C1GALT1: variants seen among roughly 807,000 people sequenced by gnomAD.
C1GALT1 encodes glycoprotein-N-acetylgalactosamine 3-beta-galactosyltransferase 1.
Under a neutral mutation model 31.0 loss-of-function variants are expected in C1GALT1, and 11 were observed. The observed-to-expected ratio is 0.36, with a 90% CI of 0.22 to 0.59. The LOEUF (loss-of-function observed/expected upper bound fraction) is 0.59. Among genes scored for constraint, C1GALT1 ranks in the 20% least tolerant of loss-of-function variants. The pLI, the probability that C1GALT1 is intolerant of heterozygous loss-of-function variation, is 0.79. For missense variants in C1GALT1, 424 were observed against 425.2 expected, an observed-to-expected ratio of 1.00 and a Z score of 0.03; for synonymous variants, 175 against 143.6, an observed-to-expected ratio of 1.22 and a Z score of -1.56.
intron 1 of C1GALT1, among the ~76,000 whole-genome samples, chr7:7,199,797 G>GC (rs1414567194): frequency 6.6e-6 from 1 of 152,078 alleles, no homozygotes; most frequent in Non-Finnish European, 1.5e-5. Flanking sequence ...TTATGTAATG[G>GC]CCTTCTTTGT....
At chr7:7,225,337 C>T (rs1486461546) in intron 1 of C1GALT1, among the ~76,000 whole-genome samples, 1 of 152,142 alleles carries the variant, frequency 6.6e-6, no homozygotes, top group Non-Finnish European at 1.5e-5. Flanking sequence ...CAAAACTAAA[C>T]TCCAGGAAAG....
chr7:7,160,924 A>G (rs1432258316), intron 2 of C1GALT1, among the ~76,000 whole-genome samples: 1 of 152,126 alleles, frequency 6.6e-6, no homozygotes, highest in Admixed American at 6.6e-5. Flanking sequence ...CAGCAGAAGT[A>G]ATGAGTATTG....
intron 1 of C1GALT1, among the ~76,000 whole-genome samples, chr7:7,214,007 G>GGC (rs1470270681): frequency 6.6e-6 from 1 of 152,200 alleles, no homozygotes; most frequent in Non-Finnish European, 1.5e-5. Context: ...CCAGTGGGGG[G>GGC]TAGGGATGTT....
Position 7,238,062 on chromosome 7 carries a change from A to G in C1GALT1, c.221-193A>G, listed in dbSNP as rs149225513. Among the ~76,000 whole-genome samples the G allele has an allele frequency of 2.7e-3, 413 of 152,358 alleles. 2 individuals carry two copies. Among genetic ancestry groups the G allele is most frequent in the African/African-American group, 9.1e-3 (380 of 41,592 alleles). On this transcript the variant is annotated intron_variant, in intron 2 of 3. Transcript: ENST00000436587. This position sits in a 1 kb window ranked among gnomAD's most constrained non-coding sequence, Gnocchi z 5.2. Reference sequence around the variant, plus strand: ...CTTACTAGCTCCAGTGATGTCCTAGATAACACTGACATGAAACCAATAAAT... The same window carrying G: ...CTTACTAGCTCCAGTGATGTCCTAGGTAACACTGACATGAAACCAATAAAT...
rs1562601794 is a variant in C1GALT1, at chr7:7,243,549, C to T, written c.914C>T (p.Ala305Val). The T allele has an allele frequency of 6.2e-7, 1 of 1,606,884 alleles. No individual in the cohort carries two copies. The highest frequency in any genetic ancestry group is 2.2e-5 in the East Asian group (1 of 44,738). The change falls in exon 4 of 4, where the codon GCA becomes GTA. Residue 305 changes from alanine to valine, a missense_variant. Around this residue, in one of 3 missense-constraint regions of C1GALT1, gnomAD observed 191 missense variants for 188.8 expected, o/e 1.01. Coordinates refer to ENST00000436587, the MANE Select transcript of C1GALT1 (RefSeq NM_020156.5). ...VEGPGCCSDLAVSFHYVDSTT... is the reference protein window; with the variant it reads ...VEGPGCCSDLVVSFHYVDSTT... ...GGTCCTGGTTGCTGCTCTGATCTTG[C>T]AGTTTCTTTTCACTATGTTGATTCT...
intron 2 of C1GALT1, among the ~76,000 whole-genome samples, chr7:7,171,936 A>T (rs552987424): frequency 1.3e-5 from 2 of 152,230 alleles, no homozygotes; most frequent in South Asian, 2.1e-4. Flanking sequence ...CCCCAACAGG[A>T]GATTTATTAT....
intron 1 of C1GALT1, among the ~76,000 whole-genome samples, chr7:7,184,649 C>A (rs1780734342): frequency 6.6e-6 from 1 of 152,148 alleles, no homozygotes; most frequent in Admixed American, 6.5e-5. Flanking sequence ...AATTTAGAGT[C>A]TTTGTGTGGT....
At chr7:7,201,984 A>T (rs1228481607) in intron 1 of C1GALT1, among the ~76,000 whole-genome samples, 1 of 152,196 alleles carries the variant, frequency 6.6e-6, no homozygotes, top group East Asian at 1.9e-4. Context: ...CAAAGTCAGG[A>T]ATGGCTTCCC....
chr7:7,241,186 CATT>C (rs1165564158), intron 3 of C1GALT1, among the ~76,000 whole-genome samples: 4 of 151,956 alleles, frequency 2.6e-5, no homozygotes, highest in African/African-American at 9.7e-5. Context: ...GTTTTATTTA[CATT>C]ATTCTATCTG....
rs1783789015 is a variant in C1GALT1, at chr7:7,245,100, G to A, written c.*1373G>A. Reference sequence around the variant, plus strand: ...TTTAGCAGTACTGAGTGTCATAGCAGAATATTTTACAGACTTTCTATGAGA... The same window carrying A: ...TTTAGCAGTACTGAGTGTCATAGCAAAATATTTTACAGACTTTCTATGAGA... On this transcript the variant is annotated 3_prime_UTR_variant, in exon 4 of 4. Transcript: ENST00000436587. 1 of 152,222 alleles carries A rather than the reference G, an allele frequency of 6.6e-6. No individual in the cohort carries two copies. Among genetic ancestry groups the A allele is most frequent in the Admixed American group, 6.5e-5 (1 of 15,288 alleles). The allele number at this position is 152,222 out of a possible 1,614,324, so 9.4% of individuals were successfully genotyped here. A position where few individuals can be genotyped will look rare whatever the true frequency, so the allele number is the denominator to read the frequency against.
In C1GALT1 at chr7:7,234,233, C is replaced by G. The variant is rs146951691; in HGVS notation, c.-17-70C>G. 79 of 1,145,688 alleles carry G rather than the reference C, an allele frequency of 6.9e-5. No homozygotes were observed. In the African/African-American group the frequency reaches 9.7e-4, roughly 14 times the overall value. The allele number at this position is 1,145,688 out of a possible 1,614,324, so 71.0% of individuals were successfully genotyped here. ...AACTTTCCGTTATAGCTAAATGTTA[C>G]CAGAATTTTTACTCCGGTTATGTAT... On this transcript the variant is annotated intron_variant, in intron 1 of 3. Coordinates refer to ENST00000436587, the MANE Select transcript of C1GALT1 (RefSeq NM_020156.5).
intron 1 of C1GALT1, among the ~76,000 whole-genome samples, chr7:7,228,398 G>T (rs1012268779): frequency 6.6e-6 from 1 of 152,142 alleles, no homozygotes; most frequent in African/African-American, 2.4e-5. Flanking sequence ...TTACACATCA[G>T]GTTTGGAAGC....
intron 3 of C1GALT1, among the ~76,000 whole-genome samples, chr7:7,241,540 C>CTT (rs1416751518): frequency 1.3e-5 from 2 of 152,034 alleles, no homozygotes; most frequent in Non-Finnish European, 2.9e-5. Context: ...ACAATAACAT[C>CTT]TTTGCCCAGG....
chr7:7,200,261 G>T (rs1461757839), intron 1 of C1GALT1, among the ~76,000 whole-genome samples: 1 of 152,166 alleles, frequency 6.6e-6, no homozygotes, highest in Non-Finnish European at 1.5e-5. Context: ...CTCAGCATTT[G>T]CTTGTGTGTA....
chr7:7,207,335 C>CCTTT (rs1781785674), intron 1 of C1GALT1, among the ~76,000 whole-genome samples: 3 of 47,972 alleles, frequency 6.3e-5, no homozygotes, highest in South Asian at 8.8e-4. Flanking sequence ...TACTCTGTTG[C>CCTTT]TTTTTTTTTT....
At chr7:7,158,546 C>A (rs2128226110) in intron 2 of C1GALT1, among the ~76,000 whole-genome samples, 1 of 150,972 alleles carries the variant, frequency 6.6e-6, no homozygotes, top group East Asian at 1.9e-4. Context: ...TATGTTTTTT[C>A]ATTATATTTT....
intron 1 of C1GALT1, among the ~76,000 whole-genome samples, chr7:7,213,415 C>T (rs1032397008): frequency 1.3e-5 from 2 of 152,104 alleles, no homozygotes; most frequent in Admixed American, 6.5e-5. Context: ...AATTTTGGAA[C>T]GTATATTAGT....
Position 7,246,899 on chromosome 7 carries a change from G to A in C1GALT1, c.*3172G>A, listed in dbSNP as rs1448718157. ...TATTAAATATAAAGATAACTTAAAG[G>A]ATCATTGGATCATTCATTTTGGCCA... On this transcript the variant is annotated 3_prime_UTR_variant, in exon 4 of 4. Transcript: ENST00000436587. 1 of 152,214 alleles carries A rather than the reference G, an allele frequency of 6.6e-6. No individual in the cohort carries two copies. Among genetic ancestry groups the A allele is most frequent in the East Asian group, 1.9e-4 (1 of 5,188 alleles). The allele number at this position is 152,214 out of a possible 1,614,324, so 9.4% of individuals were successfully genotyped here. A position where few individuals can be genotyped will look rare whatever the true frequency, so the allele number is the denominator to read the frequency against.
intron 1 of C1GALT1, among the ~76,000 whole-genome samples, chr7:7,198,156 A>G (rs1447014586): frequency 1.3e-5 from 2 of 152,166 alleles, no homozygotes; most frequent in Non-Finnish European, 2.9e-5. Context: ...ATTGAGTATG[A>G]TATTGGCTGT....
Sources: gnomAD v4.1 joint callset for allele counts (sites outside exome capture counted in the v4.1 genomes callset) on GRCh38, gnomAD v4.1.1 for gene constraint, gnomAD v4.1.1 regional missense constraint, Gnocchi (gnomAD v3.1) non-coding constraint, MANE v1.5 for transcripts, NCBI Gene and HGNC (gene_info 2026-07-23, HGNC 2026-07-21) for gene names.